Variants in RPTOR observed in about 807,000 individuals in gnomAD.
The protein encoded by RPTOR is regulatory associated protein of MTOR complex 1.
RPTOR carries 21 observed loss-of-function variants against 169.9 expected under a neutral mutation model. The observed-to-expected ratio is 0.12, with a 90% CI of 0.09 to 0.18. RPTOR has a LOEUF of 0.18. RPTOR is among the 10% of genes least tolerant of loss of function. RPTOR has a pLI of 1.00. For synonymous variants in RPTOR, 732 were observed against 753.2 expected (o/e 0.97, Z 0.46); for missense variants, 1,133 against 1,855.9 (o/e 0.61, Z 7.16).
chr17:80,954,960 A>T (rs530670608), intron 28 of RPTOR, among the ~76,000 whole-genome samples: 5 of 152,308 alleles, frequency 3.3e-5, no homozygotes, highest in African/African-American at 1.2e-4. Flanking sequence ...AGACAACGGG[A>T]ATAAAAACTG....
chr17:80,587,773 T>A (rs370201796), intron 1 of RPTOR, among the ~76,000 whole-genome samples: 1 of 145,158 alleles, frequency 6.9e-6, no homozygotes, highest in Non-Finnish European at 1.6e-5. Context: ...CACATATGTA[T>A]CTTTTTTTTT....
intron 6 of RPTOR, among the ~76,000 whole-genome samples, chr17:80,767,453 A>G (rs2066799511): frequency 1.3e-5 from 2 of 152,254 alleles, no homozygotes; most frequent in Non-Finnish European, 1.5e-5. Context: ...TAAATTCTTC[A>G]TCTTAGATGC....
At chr17:80,550,998 G>T (rs893023828) in intron 1 of RPTOR, among the ~76,000 whole-genome samples, 1 of 152,060 alleles carries the variant, frequency 6.6e-6, no homozygotes, top group African/African-American at 2.4e-5. Flanking sequence ...AGAGATTCTC[G>T]TGCCTCAGTC....
At chr17:80,954,491 C>G (rs2069223748) in intron 28 of RPTOR, among the ~76,000 whole-genome samples, 1 of 50,406 alleles carries the variant, frequency 2.0e-5, no homozygotes, top group South Asian at 1.0e-3. Flanking sequence ...GTCTTGAACT[C>G]CTGGGCTTAA....
At chr17:80,678,978 C>T (rs150193067) in intron 3 of RPTOR, among the ~76,000 whole-genome samples, 4 of 152,370 alleles carry the variant, frequency 2.6e-5, no homozygotes, top group African/African-American at 9.6e-5. Flanking sequence ...CTTCGTTTCT[C>T]TTCCAGGGCA....
intron 3 of RPTOR, among the ~76,000 whole-genome samples, 196 bp downstream of exon 3, chr17:80,644,006 C>T (rs555163348): frequency 1.6e-4 from 24 of 152,326 alleles, no homozygotes; most frequent in African/African-American, 4.3e-4. Context: ...TGACAGCGTC[C>T]GCATTATTGT....
In RPTOR at chr17:80,903,840, G is replaced by T. The variant is rs1346434676; in HGVS notation, c.2402-4971G>T. 2.0e-5 allele frequency among the ~76,000 whole-genome samples: 3 copies of T among 152,218 alleles called. No homozygotes were observed. The East Asian group carries it at 5.8e-4, about 29-fold the overall frequency. On this transcript the variant is annotated intron_variant, in intron 20 of 33. Transcript: ENST00000306801. The stretch of plus-strand genomic sequence containing the variant: ...AAGCCTGGTGCTCGCTCAACCAAAA[G>T]AAAAGCTAGGCAGGGTTTTTGCCAA...
chr17:80,837,964 G>T lies in RPTOR; in HGVS notation c.1179G>T (p.Leu393=). Residue 393 remains leucine (L), a synonymous_variant, in exon 10 of 34, where the codon CTG becomes CTT. Transcript: ENST00000306801. ...DLAVDICLSQ[L]PTIIEEGTAF... ...CTGTTGACATCTGTCTGTCTCAGCT[G>T]CCGACGATCATCGAGGAAGGCACTG... 1 of 1,612,114 alleles carries T rather than the reference G, an allele frequency of 6.2e-7. No homozygotes were observed. The highest frequency in any genetic ancestry group is 8.5e-7 in the Non-Finnish European group (1 of 1,179,194).
At chr17:80,919,897 G>A (rs1464881861) in intron 21 of RPTOR, among the ~76,000 whole-genome samples, 4 of 152,250 alleles carry the variant, frequency 2.6e-5, no homozygotes, top group African/African-American at 9.6e-5. Flanking sequence ...GACCTCTGCA[G>A]GCTGCGAGTG....
chr17:80,683,014 C>T (rs1359800476), intron 3 of RPTOR, among the ~76,000 whole-genome samples: 4 of 152,070 alleles, frequency 2.6e-5, no homozygotes, highest in South Asian at 4.2e-4. Flanking sequence ...TTGTCCAGGC[C>T]GGTCTTGAGC....
chr17:80,642,277 C>T (rs1243481463), intron 2 of RPTOR, among the ~76,000 whole-genome samples: 1 of 152,114 alleles, frequency 6.6e-6, no homozygotes, highest in African/African-American at 2.4e-5. Context: ...GCTGGGATTA[C>T]AGGCGCCCAG....
intron 1 of RPTOR, among the ~76,000 whole-genome samples, chr17:80,618,737 C>T (rs2065332323): frequency 1.3e-5 from 2 of 152,212 alleles, no homozygotes; most frequent in African/African-American, 4.8e-5. Flanking sequence ...GATTCAAGCA[C>T]CTCTCCCCTC....
rs1480106214 is a variant in RPTOR, at chr17:80,803,845, G to A, written c.890+12336G>A. The A allele has an allele frequency of 6.6e-6, 1 of 152,272 alleles. No homozygotes were observed. Among genetic ancestry groups the A allele is most frequent in the Non-Finnish European group, 1.5e-5 (1 of 68,080 alleles). 9.4% of individuals were successfully genotyped at this position (152,272 alleles called of 1,614,324 possible). A position where few individuals can be genotyped will look rare whatever the true frequency, so the allele number is the denominator to read the frequency against. ...TGCTTCTTTGATTGGGCAGCCTGATGAGGCCCATGAAGAGGCAACACTGGA... is the reference window on the plus strand; with the variant it reads ...TGCTTCTTTGATTGGGCAGCCTGATAAGGCCCATGAAGAGGCAACACTGGA... On this transcript the variant is annotated intron_variant, in intron 7 of 33. Coordinates refer to ENST00000306801, the MANE Select transcript of RPTOR (RefSeq NM_020761.3). This position sits in a 1 kb window ranked among gnomAD's most constrained non-coding sequence, Gnocchi z 6.2.
In RPTOR at chr17:80,878,314, T is replaced by C. The variant is rs188999778; in HGVS notation, c.1510-2101T>C. ...ACTGCAGTTTCAGACTGCTTTCACA[T>C]GCGTGGTTTCATCTCTGACTCCACG... On this transcript the variant is annotated intron_variant, in intron 13 of 33. Coordinates refer to ENST00000306801, the MANE Select transcript of RPTOR (RefSeq NM_020761.3). The surrounding 1 kb of genome is among the most constrained non-coding windows in gnomAD (Gnocchi z 4.1). Among the ~76,000 whole-genome samples the C allele has an allele frequency of 1.3e-5, 2 of 152,254 alleles. No individual in the cohort carries two copies. The highest frequency in any genetic ancestry group is 6.5e-5 in the Admixed American group (1 of 15,300).
chr17:80,823,004 T>G lies in RPTOR; in HGVS notation c.992-75T>G. The G allele has an allele frequency of 1.3e-6, 2 of 1,515,444 alleles. No homozygotes were observed. The highest frequency in any genetic ancestry group is 1.8e-6 in the Non-Finnish European group (2 of 1,119,306). The allele number at this position is 1,515,444 out of a possible 1,614,324, so 93.9% of individuals were successfully genotyped here. A position where few individuals can be genotyped will look rare whatever the true frequency, so the allele number is the denominator to read the frequency against. On this transcript the variant is annotated intron_variant, in intron 8 of 33. Transcript: ENST00000306801. The surrounding 1 kb of genome is among the most constrained non-coding windows in gnomAD (Gnocchi z 4.5). Reference sequence around the variant, plus strand: ...CAACTTTAGTAATTTTTGATAGAAGTGAATTTGTGTATTTGGCTTTAAATG... The same window carrying G: ...CAACTTTAGTAATTTTTGATAGAAGGGAATTTGTGTATTTGGCTTTAAATG...
rs144547136 is a variant in RPTOR at position 80,552,997 on chromosome 17, A to C, written c.162+7206A>C. Among the ~76,000 whole-genome samples, 21 of 152,334 alleles carry C rather than the reference A, an allele frequency of 1.4e-4. No individual in the cohort carries two copies. The East Asian group carries it at 4.1e-3, about 29-fold the overall frequency. Reference sequence around the variant, plus strand: ...TTCTCCTAGACCCTTGCAGGGATCCACAAGGTCAAAACTGTTTTCATAATA... The same window carrying C: ...TTCTCCTAGACCCTTGCAGGGATCCCCAAGGTCAAAACTGTTTTCATAATA... On this transcript the variant is annotated intron_variant, in intron 1 of 33. Transcript: ENST00000306801.
chr17:80,737,275 TA>T (rs2066441224), intron 5 of RPTOR, among the ~76,000 whole-genome samples: 1 of 152,176 alleles, frequency 6.6e-6, no homozygotes, highest in Non-Finnish European at 1.5e-5. Flanking sequence ...CGATGGGAAG[TA>T]GGGGGCGCTG....
At chr17:80,635,462 C>G (rs913241271) in intron 2 of RPTOR, among the ~76,000 whole-genome samples, 1 of 152,204 alleles carries the variant, frequency 6.6e-6, no homozygotes, top group Non-Finnish European at 1.5e-5. Flanking sequence ...GATGATACAC[C>G]AGTAACCAAG....
intron 2 of RPTOR, among the ~76,000 whole-genome samples, chr17:80,641,003 T>A (rs1373221412): frequency 6.6e-6 from 1 of 152,262 alleles, no homozygotes; most frequent in Non-Finnish European, 1.5e-5. Context: ...TCCTCATGCA[T>A]GCGGCAAGGT....
Sources: allele counts gnomAD v4.1 joint callset (sites outside exome capture counted in the v4.1 genomes callset), GRCh38; gene constraint gnomAD v4.1.1; non-coding constraint Gnocchi (gnomAD v3.1); transcripts MANE v1.5; gene names NCBI Gene and HGNC (gene_info 2026-07-23, HGNC 2026-07-21).